Variants in CCDC88B observed in about 807,000 individuals in gnomAD.
The protein encoded by CCDC88B is coiled-coil domain-containing protein 88B.
CCDC88B carries 138 observed loss-of-function variants against 183.7 expected under a neutral mutation model. The ratio of observed to expected loss-of-function variants is 0.75; its 90% CI spans 0.65 to 0.87. The LOEUF is 0.87. CCDC88B is among the 40% of genes least tolerant of loss of function. CCDC88B has a pLI of 0.00. For synonymous variants in CCDC88B, 835 were observed against 867.5 expected (o/e 0.96, Z 0.66); for missense variants, 1,822 against 1,965.6 (o/e 0.93, Z 1.38).
At chr11:64,341,865 C>T (rs2035872921) in intron 7 of CCDC88B, 123 bp downstream of exon 7, 1 of 481,018 alleles carries the variant, frequency 2.1e-6, no homozygotes, top group Non-Finnish European at 3.0e-6. Flanking sequence ...AGGTCTTGGG[C>T]CATCAGTGAT....
In CCDC88B at chr11:64,357,303, C is replaced by T; in HGVS notation, c.*209C>T. 1.4e-6 allele frequency: 1 copy of T among 729,226 alleles called. No homozygotes were observed. The highest frequency in any genetic ancestry group is 2.7e-5 in the East Asian group (1 of 37,470). 45.2% of individuals were successfully genotyped at this position (729,226 alleles called of 1,614,324 possible). A position where few individuals can be genotyped will look rare whatever the true frequency, so the allele number is the denominator to read the frequency against. ...TGTGGACAGGGGGGATGGCTGGCCC[C>T]CACGAGCAGCTCCAGGCTGGAGTTC... On this transcript the variant is annotated 3_prime_UTR_variant, in exon 27 of 27. Transcript: ENST00000356786.
intron 18 of CCDC88B, 41 bp downstream of exon 18, chr11:64,351,657 C>G: frequency 6.6e-7 from 1 of 1,511,694 alleles, no homozygotes; most frequent in Non-Finnish European, 8.8e-7. Flanking sequence ...CCATGTACTG[C>G]CCCCTCCTGC....
Position 64,344,296 on chromosome 11 carries a change from A to T in CCDC88B, c.1755A>T (p.Thr585=). The T allele has an allele frequency of 6.2e-7, 1 of 1,613,714 alleles. No homozygotes were observed. Among genetic ancestry groups the T allele is most frequent in the East Asian group, 2.2e-5 (1 of 44,876 alleles). The change falls in exon 14 of 27, where the codon ACA becomes ACT. Residue 585 remains threonine, a synonymous_variant. Transcript: ENST00000356786. The surrounding 1 kb of genome is among the most constrained non-coding windows in gnomAD (Gnocchi z 4.5). ...SPQESGSPVE[T]QESPEKAGRR... ...AAGAGTCAGGCTCTCCTGTGGAGAC[A>T]CAGGAGTCCCCGGAGAAGGCTGGCC...
rs1435598985 is a variant in CCDC88B at position 64,352,764 on chromosome 11, A to C, written c.3377A>C (p.Gln1126Pro). Reference sequence around the variant, plus strand: ...CCCAGGCACGAGCAGCTGCAGGCCCAGCGGGCCAGCGTGGAGGCACAGGAG... The same window carrying C: ...CCCAGGCACGAGCAGCTGCAGGCCCCGCGGGCCAGCGTGGAGGCACAGGAG... The part of the protein sequence containing the change: ...LQGRHEQLQA[Q>P]RASVEAQEVA... The change falls in exon 20 of 27, where the codon CAG (glutamine) becomes CCG (proline). Residue 1126 changes from glutamine (Q) to proline (P), a missense_variant. Coordinates refer to ENST00000356786, the MANE Select transcript of CCDC88B (RefSeq NM_032251.6). The C allele has an allele frequency of 6.2e-7, 1 of 1,613,522 alleles. No individual in the cohort carries two copies. Among genetic ancestry groups the C allele is most frequent in the Admixed American group, 1.7e-5 (1 of 60,028 alleles).
At chr11:64,356,944 C>T (rs907346977) in intron 26 of CCDC88B, 95 bp from the exon 27 acceptor site, 7 of 1,258,994 alleles carry the variant, frequency 5.6e-6, no homozygotes, top group African/African-American at 4.5e-5. Flanking sequence ...ATTGGCAGGT[C>T]GGGGGTGGGC....
rs1257093667 is a variant in CCDC88B at position 64,349,733 on chromosome 11, C to A, written c.2862+65C>A. The A allele has an allele frequency of 2.1e-6, 3 of 1,397,286 alleles. No individual in the cohort carries two copies. The Admixed American group carries it at 5.9e-5, about 28-fold the overall frequency. 86.6% of individuals were successfully genotyped at this position (1,397,286 alleles called of 1,614,324 possible). The stretch of plus-strand genomic sequence containing the variant: ...CTGCCCTCCATCCCATGAGCAGATG[C>A]CAGGGTCATCTGTCCTCCTAGTCTT... On this transcript the variant is annotated intron_variant, in intron 16 of 26. Coordinates refer to ENST00000356786, the MANE Select transcript of CCDC88B (RefSeq NM_032251.6).
At chr11:64,352,695 G>A (rs2036386637) in intron 19 of CCDC88B, 49 bp from the exon 20 acceptor site, 6 of 1,611,658 alleles carry the variant, frequency 3.7e-6, no homozygotes, top group African/African-American at 2.7e-5. Flanking sequence ...CCAGCTGCTT[G>A]TGGTGGCCAT....
intron 26 of CCDC88B, chr11:64,356,376 C>T (rs34906890): frequency 0.1 from 15,895 of 151,582 alleles, 1,016 homozygotes; most frequent in Middle Eastern, 0.16. Context: ...AGTTAGAGAC[C>T]AGCCTAGCCA....
rs753504653 is a variant in CCDC88B, at chr11:64,355,586, G to T, written c.4333G>T (p.Ala1445Ser). The part of the protein sequence containing the change: ...KGPGVGWENS[A>S]ETLQEHETDA... Reference sequence around the variant, plus strand: ...ACCTGGTGTGGGATGGGAGAACTCCGCTGAGACCCTGCAGGAACACGAAAC... The same window carrying T: ...ACCTGGTGTGGGATGGGAGAACTCCTCTGAGACCCTGCAGGAACACGAAAC... The change falls in exon 26 of 27, where the codon GCT (alanine) becomes TCT (serine). Residue 1445 changes from alanine (A) to serine (S), a missense_variant. By Grantham distance (99) the Ala-to-Ser change is moderately conservative. Transcript: ENST00000356786. 1 of 1,612,668 alleles carries T rather than the reference G, an allele frequency of 6.2e-7. No individual in the cohort carries two copies. The highest frequency in any genetic ancestry group is 8.5e-7 in the Non-Finnish European group (1 of 1,179,680).
Position 64,353,258 on chromosome 11 carries a change from G to C in CCDC88B, c.3687+18G>C. 5.8e-6 allele frequency: 9 copies of C among 1,562,744 alleles called. No individual in the cohort carries two copies. Among genetic ancestry groups the C allele is most frequent in the Non-Finnish European group, 7.8e-6 (9 of 1,153,178 alleles). ...AGTGTGAGGTGTGGCTGGAGGGCCG[G>C]TGGGGGTATGGGCGTGTGGTGGGGC... On this transcript the variant is annotated intron_variant, in intron 21 of 26. Transcript: ENST00000356786.
At position 64,341,516 on chromosome 11, in the gene CCDC88B, G is replaced by A. The variant is rs750979749; in HGVS notation, c.531+12G>A. 1.1e-5 allele frequency: 18 copies of A among 1,613,530 alleles called. No homozygotes were observed. The South Asian group carries it at 1.9e-4, about 17-fold the overall frequency. On this transcript the variant is annotated intron_variant, in intron 6 of 26. Transcript: ENST00000356786. ...CTGCCATCCAGGAGGTACTGAGACG[G>A]TTCGGCAGCCCAGACTGGTATGGCA...
rs1444129992 is a variant in CCDC88B at position 64,352,277 on chromosome 11, C to G, written c.3247C>G (p.Gln1083Glu). The change falls in exon 19 of 27, where the codon CAG becomes GAG. Residue 1083 changes from glutamine (Q) to glutamate (E), a missense_variant. Transcript: ENST00000356786. ...ALLRDHKALAQLQRRQEAELE... is the reference protein window; with the variant it reads ...ALLRDHKALAELQRRQEAELE... Reference sequence around the variant, plus strand: ...GCTTCGGGACCACAAGGCCCTGGCACAGCTGCAGCGGCGGCAGGAGGCCGA... The same window carrying G: ...GCTTCGGGACCACAAGGCCCTGGCAGAGCTGCAGCGGCGGCAGGAGGCCGA... The G allele has an allele frequency of 6.3e-7, 1 of 1,591,370 alleles. No individual in the cohort carries two copies. Among genetic ancestry groups the G allele is most frequent in the Non-Finnish European group, 8.5e-7 (1 of 1,169,604 alleles).
rs1387481268 is a variant in CCDC88B at position 64,340,917 on chromosome 11, T to G, written c.217T>G (p.Ser73Ala). 1 of 1,554,330 alleles carries G rather than the reference T, an allele frequency of 6.4e-7. No individual in the cohort carries two copies. Among genetic ancestry groups the G allele is most frequent in the South Asian group, 1.2e-5 (1 of 81,930 alleles). ...LRVLGIIAPS[S>A]RGGPRMLRGL... ...ACCTCCGGCTCATAGTGCCCCCAGC[T>G]CCCGAGGGGGACCTCGGATGCTCAG... is the stretch of plus-strand genomic sequence containing the variant. The change falls in exon 3 of 27, where the codon TCC (serine) becomes GCC (alanine). Residue 73 changes from serine to alanine, a missense_variant. Ser to Ala is a moderately conservative substitution (Grantham distance 99). Coordinates refer to ENST00000356786, the MANE Select transcript of CCDC88B (RefSeq NM_032251.6).
chr11:64,350,520 A>G (rs2036287406), intron 16 of CCDC88B: 1 of 152,088 alleles, frequency 6.6e-6, no homozygotes, highest in African/African-American at 2.4e-5. Flanking sequence ...TACAACAACA[A>G]CAACAAAAAT....
In CCDC88B at chr11:64,343,572, G is replaced by A. The variant is rs1436605383; in HGVS notation, c.1275G>A (p.Glu425=). 1 of 1,551,922 alleles carries A rather than the reference G, an allele frequency of 6.4e-7. No individual in the cohort carries two copies. Among genetic ancestry groups the A allele is most frequent in the Non-Finnish European group, 8.7e-7 (1 of 1,147,106 alleles). ...AGGAGAATGTGGAGCTGGAGCTGGAGCTTCAGCGGAGCTTGGAGCCACCTC... is the reference window on the plus strand; with the variant it reads ...AGGAGAATGTGGAGCTGGAGCTGGAACTTCAGCGGAGCTTGGAGCCACCTC... ...LAEENVELEL[E]LQRSLEPPPG... Residue 425 remains glutamate (E), a synonymous_variant, in exon 12 of 27, where the codon GAG becomes GAA. Transcript: ENST00000356786.
rs1477366114 is a variant in CCDC88B, at chr11:64,347,565, G to C, written c.2617-1766G>C. 2.6e-5 allele frequency among the ~76,000 whole-genome samples: 4 copies of C among 152,314 alleles called. No individual in the cohort carries two copies. In the East Asian group the frequency reaches 7.7e-4, roughly 29 times the overall value. ...ATGGGGTCAGGCGTTGTGCAAGACA[G>C]GCCCAGGGTAAGGGGGTTCTGGCGA... On this transcript the variant is annotated intron_variant, in intron 14 of 26. Transcript: ENST00000356786.
intron 16 of CCDC88B, 111 bp downstream of exon 16, chr11:64,349,779 CT>C: frequency 9.6e-7 from 1 of 1,046,156 alleles, no homozygotes; most frequent in East Asian, 2.6e-5. Context: ...TCTTGGCTAG[CT>C]ACTTGCCTCA....
At chr11:64,350,654 C>T (rs1199046) in intron 16 of CCDC88B, 43,633 of 151,924 alleles carry the variant, frequency 0.29, 7,445 homozygotes, top group South Asian at 0.38. Context: ...CCACTGCACT[C>T]CAGCCCGGGT....
At chr11:64,353,981 C>G (rs759919959) in intron 23 of CCDC88B, 23 bp from the exon 24 acceptor site, 2 of 1,512,460 alleles carry the variant, frequency 1.3e-6, no homozygotes, top group African/African-American at 1.4e-5. Context: ...TCCTGACCCC[C>G]TCTTGTGCCC....
Sources: allele counts gnomAD v4.1 joint callset (sites outside exome capture counted in the v4.1 genomes callset), GRCh38; gene constraint gnomAD v4.1.1; non-coding constraint Gnocchi (gnomAD v3.1); transcripts MANE v1.5; gene names NCBI Gene and HGNC (gene_info 2026-07-23, HGNC 2026-07-21).